CDK5RAP1: variants seen among roughly 807,000 people sequenced by gnomAD.
CDK5RAP1 encodes mitochondrial tRNA methylthiotransferase CDK5RAP1.
A neutral mutation model predicts 64.5 loss-of-function variants in CDK5RAP1; 62 were observed. The ratio of observed to expected loss-of-function variants is 0.96; its 90% CI spans 0.78 to 1.19. The LOEUF is 1.19. Among genes scored for constraint, CDK5RAP1 ranks in the 50% most tolerant of loss-of-function variants. The pLI, the probability that CDK5RAP1 is intolerant of heterozygous loss-of-function variation, is 0.00. For missense variants in CDK5RAP1, 657 were observed against 735.0 expected (o/e 0.89, Z 1.23); for synonymous variants, 250 against 261.9 (o/e 0.95, Z 0.44).
intron 7 of CDK5RAP1, 60 bp from the exon 8 acceptor site, chr20:33,379,751 C>A: frequency 7.9e-7 from 1 of 1,267,690 alleles, no homozygotes; most frequent in East Asian, 2.3e-5. Flanking sequence ...TAAAAAAACA[C>A]TAATTAAAAA....
At position 33,390,649 on chromosome 20, in the gene CDK5RAP1, T is replaced by G. The variant is rs6059296; in HGVS notation, c.544+1493A>C. On this transcript the variant is annotated intron_variant, in intron 5 of 13. Coordinates refer to ENST00000346416, the MANE Select transcript of CDK5RAP1 (RefSeq NM_016408.4). The stretch of plus-strand genomic sequence containing the variant: ...ATATATTTTACTACAGTTTTTTAAA[T>G]TATTCTTGGGATTTCTGAAATTCTT... 1.9e-3 allele frequency among the ~76,000 whole-genome samples: 293 copies of G among 152,306 alleles called. 1 individual carries two copies. Among genetic ancestry groups the G allele is most frequent in the African/African-American group, 6.8e-3 (281 of 41,582 alleles).
chr20:33,389,017 C>T (rs1221071999), intron 5 of CDK5RAP1, among the ~76,000 whole-genome samples: 1 of 149,862 alleles, frequency 6.7e-6, no homozygotes, highest in African/African-American at 2.5e-5. Context: ...CCCAAAGTGC[C>T]GAGATTGCAG....
At chr20:33,367,066 T>C in intron 11 of CDK5RAP1, 58 bp from the exon 12 acceptor site, 1 of 1,531,734 alleles carries the variant, frequency 6.5e-7, no homozygotes, top group Non-Finnish European at 8.9e-7. Flanking sequence ...GTAGAATCTA[T>C]TCTTAATGCA....
At chr20:33,385,407 C>T (rs1987293109) in intron 7 of CDK5RAP1, among the ~76,000 whole-genome samples, 1 of 152,198 alleles carries the variant, frequency 6.6e-6, no homozygotes, top group Non-Finnish European at 1.5e-5. Context: ...GGAACCAAGC[C>T]AGAATTCACA....
At chr20:33,389,612 G>T (rs555751549) in intron 5 of CDK5RAP1, among the ~76,000 whole-genome samples, 1 of 146,106 alleles carries the variant, frequency 6.8e-6, no homozygotes, top group African/African-American at 2.5e-5. Flanking sequence ...CCGGCCAGCC[G>T]CCCCGTCCAG....
intron 11 of CDK5RAP1, among the ~76,000 whole-genome samples, chr20:33,369,678 G>A (rs1424000321): frequency 5.3e-5 from 8 of 152,194 alleles, no homozygotes; most frequent in African/African-American, 1.9e-4. Flanking sequence ...CACTTTGAGA[G>A]AGCGTGGTGA....
At chr20:33,376,744 G>A (rs76756052) in intron 8 of CDK5RAP1, among the ~76,000 whole-genome samples, 1,678 of 152,128 alleles carry the variant, frequency 0.011, 31 homozygotes, top group East Asian at 0.055. Context: ...TATAGCTGTC[G>A]TAGATAGTGA....
intron 2 of CDK5RAP1, among the ~76,000 whole-genome samples, chr20:33,395,822 A>G (rs1568732341): frequency 6.6e-6 from 1 of 152,108 alleles, no homozygotes; most frequent in South Asian, 2.1e-4. Flanking sequence ...AGACCAGCCT[A>G]GCCAAAATGG....
In CDK5RAP1 at chr20:33,385,649, C is replaced by A. The variant is rs746557215; in HGVS notation, c.876+1G>T. The stretch of plus-strand genomic sequence containing the variant: ...GCAAGAAAGCCTGGAGAACTCTTCA[C>A]CTGCTCAGAAAGCTTCTTCACTTCC... On this transcript the variant is annotated splice_donor_variant, in intron 7 of 13. Transcript: ENST00000346416. LOFTEE classifies it high-confidence loss of function. 1 of 1,614,036 alleles carries A rather than the reference C, an allele frequency of 6.2e-7. No individual in the cohort carries two copies. Among genetic ancestry groups the A allele is most frequent in the Non-Finnish European group, 8.5e-7 (1 of 1,179,916 alleles).
Position 33,396,952 on chromosome 20 carries a change from C to T in CDK5RAP1, c.113G>A (p.Ser38Asn). ...CCTCTCTGGACTGGGACACATGGTACTAGAGAGACTGCTGTGTGCCCTGCA... is the reference window on the plus strand; with the variant it reads ...CCTCTCTGGACTGGGACACATGGTATTAGAGAGACTGCTGTGTGCCCTGCA... ...RMCRAHSSLSSTMCPSPERQE... is the reference protein window; with the variant it reads ...RMCRAHSSLSNTMCPSPERQE... Residue 38 changes from serine (S) to asparagine (N), a missense_variant, in exon 2 of 14, where the codon AGT becomes AAT. Ser to Asn is a conservative substitution (Grantham distance 46). Transcript: ENST00000346416. The T allele has an allele frequency of 1.2e-6, 2 of 1,614,204 alleles. No homozygotes were observed. The highest frequency in any genetic ancestry group is 3.3e-5 in the Admixed American group (2 of 60,020).
rs2146682961 is a variant in CDK5RAP1, at chr20:33,387,304, C to T, written c.755+19G>A. 6.3e-7 allele frequency: 1 copy of T among 1,578,274 alleles called. No individual in the cohort carries two copies. Among genetic ancestry groups the T allele is most frequent in the Middle Eastern group, 1.8e-4 (1 of 5,472 alleles). On this transcript the variant is annotated intron_variant, in intron 6 of 13. Transcript: ENST00000346416. ...AAGGAGGAAGAGGCTTATTCCCTAT[C>T]TCTTAGGCAGTGACTCACACAAAGG...
At chr20:33,382,648 T>C (rs572988573) in intron 7 of CDK5RAP1, among the ~76,000 whole-genome samples, 62 of 152,242 alleles carry the variant, frequency 4.1e-4, no homozygotes, top group Non-Finnish European at 5.9e-5. Context: ...GCCATTGCAC[T>C]CCAGCATGGG....
At chr20:33,367,701 A>G (rs776156697) in intron 11 of CDK5RAP1, among the ~76,000 whole-genome samples, 1 of 152,214 alleles carries the variant, frequency 6.6e-6, no homozygotes, top group Non-Finnish European at 1.5e-5. Context: ...ATTTTATTCA[A>G]GCATGTATTA....
Position 33,396,987 on chromosome 20 carries a change from C to T in CDK5RAP1, c.78G>A (p.Ser26=), listed in dbSNP as rs138591645. 25 of 1,614,006 alleles carry T rather than the reference C, an allele frequency of 1.5e-5. No homozygotes were observed. In the African/African-American group the frequency reaches 2.0e-4, roughly 13 times the overall value. The change falls in exon 2 of 14, where the codon TCG becomes TCA. Residue 26 remains serine, a synonymous_variant. Transcript: ENST00000346416. ...TGCTGTGTGCCCTGCACATCCTCAG[C>T]GACAGCCAAGACACAGAGGCCAATG... ...WGPLASVSWL[S]LRMCRAHSSL...
chr20:33,395,201 A>G lies in CDK5RAP1; in HGVS notation c.305-85T>C. The stretch of plus-strand genomic sequence containing the variant: ...AAAAGGTCTCCTTCCCAAATGCTCT[A>G]GAAATATCTGAGGCATCTGGTTATC... On this transcript the variant is annotated intron_variant, in intron 2 of 13. Transcript: ENST00000346416. 3.8e-6 allele frequency: 3 copies of G among 782,972 alleles called. No homozygotes were observed. The South Asian group carries it at 4.2e-5, about 11-fold the overall frequency. 48.5% of individuals were successfully genotyped at this position (782,972 alleles called of 1,614,324 possible). A position where few individuals can be genotyped will look rare whatever the true frequency, so the allele number is the denominator to read the frequency against.
chr20:33,374,590 G>C (rs533331753), intron 8 of CDK5RAP1, among the ~76,000 whole-genome samples: 1 of 150,880 alleles, frequency 6.6e-6, no homozygotes, highest in African/African-American at 2.4e-5. Flanking sequence ...TTGAGACAGA[G>C]TATCACTCCA....
intron 5 of CDK5RAP1, among the ~76,000 whole-genome samples, chr20:33,387,832 C>T (rs138539610): frequency 5.9e-5 from 9 of 152,110 alleles, no homozygotes; most frequent in Non-Finnish European, 8.8e-5. Flanking sequence ...TTTGGGGGGC[C>T]GAGGCAGGCG....
At chr20:33,384,345 G>A (rs1987148111) in intron 7 of CDK5RAP1, among the ~76,000 whole-genome samples, 1 of 152,146 alleles carries the variant, frequency 6.6e-6, no homozygotes, top group African/African-American at 2.4e-5. Flanking sequence ...GAAAGGTTGG[G>A]GAGTTTTGTC....
At chr20:33,395,859 CA>C (rs1240402280) in intron 2 of CDK5RAP1, among the ~76,000 whole-genome samples, 1 of 151,850 alleles carries the variant, frequency 6.6e-6, no homozygotes, top group East Asian at 1.9e-4. Flanking sequence ...ACTAAAAATA[CA>C]AAAATCAGCC....
Sources: allele counts gnomAD v4.1 joint callset (sites outside exome capture counted in the v4.1 genomes callset), GRCh38; gene constraint gnomAD v4.1.1; transcripts MANE v1.5; gene names NCBI Gene and HGNC (gene_info 2026-07-23, HGNC 2026-07-21).